The following NAAA variants were observed in gnomAD, a reference collection of about 807,000 sequenced individuals.
NAAA encodes N-acylethanolamine-hydrolyzing acid amidase.
In NAAA, 39 loss-of-function variants were observed where a neutral mutation model predicts 44.8. That is an observed-to-expected ratio of 0.87 (90% CI 0.67 to 1.14). The LOEUF is 1.14. Among genes scored for constraint, NAAA ranks in the 50% most tolerant of loss-of-function variants. NAAA has a pLI of 0.00. For missense variants in NAAA, 460 were observed against 467.8 expected (o/e 0.98, Z 0.15); for synonymous variants, 178 against 191.3 (o/e 0.93, Z 0.58).
intron 4 of NAAA, among the ~76,000 whole-genome samples, chr4:75,929,514 C>T (rs973590148): frequency 1.3e-5 from 2 of 152,146 alleles, no homozygotes; most frequent in African/African-American, 4.8e-5. Flanking sequence ...ACTGCTCATA[C>T]CTTAGATTCT....
intron 5 of NAAA, 55 bp from the exon 6 acceptor site, chr4:75,921,178 C>A: frequency 2.7e-6 from 4 of 1,481,826 alleles, no homozygotes; most frequent in Non-Finnish European, 3.6e-6. Context: ...GGGTCCACAC[C>A]AGATGATGCA....
chr4:75,915,695 T>TG (rs200179421), intron 9 of NAAA, among the ~76,000 whole-genome samples: 1,542 of 152,086 alleles, frequency 0.01, 18 homozygotes, highest in Middle Eastern at 0.031. Flanking sequence ...CACCATGCTT[T>TG]GGGGGGGTGG....
At chr4:75,930,433 G>A (rs748504080) in intron 4 of NAAA, 4 of 510,192 alleles carry the variant, frequency 7.8e-6, no homozygotes, top group Non-Finnish European at 1.6e-5. Context: ...TCTGCCTAAC[G>A]AATGGAGTTA....
chr4:75,939,859 G>C (rs1009969919), intron 2 of NAAA, 142 bp downstream of exon 2: 1 of 888,316 alleles, frequency 1.1e-6, no homozygotes, highest in South Asian at 1.7e-5. Flanking sequence ...TACCCAGAGA[G>C]GCAAAGAGGA....
chr4:75,940,211 CG>C, intron 1 of NAAA, 46 bp from the exon 2 acceptor site: 1 of 1,584,118 alleles, frequency 6.3e-7, no homozygotes, highest in Non-Finnish European at 8.6e-7. Context: ...CAGAGGTCGG[CG>C]GCGTGCGACT....
chr4:75,921,219 GT>G, intron 5 of NAAA, 96 bp from the exon 6 acceptor site: 5 of 1,132,952 alleles, frequency 4.4e-6, no homozygotes, highest in Non-Finnish European at 6.2e-6. Context: ...CTCCTGATAT[GT>G]TATGTCATGA....
At chr4:75,928,157 A>ACCAC (rs1312683978) in intron 4 of NAAA, among the ~76,000 whole-genome samples, 1 of 152,216 alleles carries the variant, frequency 6.6e-6, no homozygotes, top group African/African-American at 2.4e-5. Context: ...GTGCATAGCA[A>ACCAC]CCACCATTCT....
chr4:75,935,245 G>A (rs775028557), intron 3 of NAAA: 1 of 152,216 alleles, frequency 6.6e-6, no homozygotes, highest in Non-Finnish European at 1.5e-5. Context: ...TGACTGAGTA[G>A]TTAGTAAATG....
At chr4:75,920,201 GA>G (rs1726018594) in intron 7 of NAAA, among the ~76,000 whole-genome samples, 1 of 152,216 alleles carries the variant, frequency 6.6e-6, no homozygotes, top group South Asian at 2.1e-4. Context: ...CTGGGATGAT[GA>G]AAATGTGTGG....
intron 9 of NAAA, among the ~76,000 whole-genome samples, chr4:75,916,190 C>T (rs1387766218): frequency 1.3e-5 from 2 of 152,202 alleles, no homozygotes. Flanking sequence ...AAAGGGGCAG[C>T]ATAGAGCTAA....
intron 9 of NAAA, among the ~76,000 whole-genome samples, chr4:75,915,735 G>GCCTCTAA (rs1725571903): frequency 6.6e-6 from 1 of 152,120 alleles, no homozygotes; most frequent in African/African-American, 2.4e-5. Flanking sequence ...CCAGAGGAGG[G>GCCTCTAA]CCTCTAAAGC....
intron 3 of NAAA, 119 bp downstream of exon 3, chr4:75,935,990 G>C: frequency 8.5e-7 from 1 of 1,178,310 alleles, no homozygotes; most frequent in Non-Finnish European, 1.2e-6. Context: ...TTTTCCAGGG[G>C]TGTGATTTTT....
intron 4 of NAAA, chr4:75,930,479 G>A (rs1727130807): frequency 1.9e-6 from 1 of 518,324 alleles, no homozygotes; most frequent in Non-Finnish European, 3.9e-6. Flanking sequence ...CTGTTGTGAG[G>A]GTCTAAGAAG....
intron 8 of NAAA, 68 bp downstream of exon 8, chr4:75,919,841 T>A: frequency 7.1e-7 from 1 of 1,418,330 alleles, no homozygotes; most frequent in Non-Finnish European, 9.9e-7. Context: ...TTTCACGGAG[T>A]TTTTCATATT....
chr4:75,925,382 C>T (rs1726579109), intron 5 of NAAA, among the ~76,000 whole-genome samples: 1 of 152,222 alleles, frequency 6.6e-6, no homozygotes, highest in Admixed American at 6.5e-5. Flanking sequence ...ATTGGTTTCA[C>T]ATGAACCGAT....
At chr4:75,918,629 G>C (rs1725850852) in intron 9 of NAAA, 132 bp downstream of exon 9, 2 of 840,504 alleles carry the variant, frequency 2.4e-6, no homozygotes, top group East Asian at 5.0e-5. Flanking sequence ...GTACCCACAG[G>C]AGTGCCCCCA....
At chr4:75,928,993 T>C (rs938862075) in intron 4 of NAAA, among the ~76,000 whole-genome samples, 1 of 150,594 alleles carries the variant, frequency 6.6e-6, no homozygotes, top group Non-Finnish European at 1.5e-5. Flanking sequence ...GGGGTTTCAC[T>C]GTGTTAGCCA....
chr4:75,925,662 A>G, intron 5 of NAAA, 73 bp downstream of exon 5: 5 of 1,420,686 alleles, frequency 3.5e-6, no homozygotes, highest in South Asian at 3.5e-5. Context: ...TAAAAGCAAC[A>G]TTGTTAAATG....
chr4:75,938,404 A>G (rs1727919169), intron 2 of NAAA, among the ~76,000 whole-genome samples: 1 of 152,220 alleles, frequency 6.6e-6, no homozygotes, highest in Admixed American at 6.5e-5. Flanking sequence ...TTTCATTGAG[A>G]AAGCTGTAAG....
Sources: allele counts gnomAD v4.1 joint callset (sites outside exome capture counted in the v4.1 genomes callset), GRCh38; gene constraint gnomAD v4.1.1; transcripts MANE v1.5; gene names NCBI Gene and HGNC (gene_info 2026-07-23, HGNC 2026-07-21).